Variants in LRBA observed in about 807,000 individuals in gnomAD.
LRBA encodes lipopolysaccharide-responsive and beige-like anchor protein.
In LRBA, 176 loss-of-function variants were observed where a neutral mutation model predicts 330.0. The ratio of observed to expected loss-of-function variants is 0.53; its 90% CI spans 0.47 to 0.60. LRBA has a LOEUF of 0.60. LRBA is among the 20% of genes least tolerant of loss of function. The pLI, the probability that LRBA is intolerant of heterozygous loss-of-function variation, is 0.00. For missense variants in LRBA, 3,259 were observed against 3,444.8 expected (o/e 0.95, Z 1.35); for synonymous variants, 1,230 against 1,193.0 (o/e 1.03, Z -0.64).
intron 46 of LRBA, among the ~76,000 whole-genome samples, chr4:150,435,071 G>A (rs886621897): frequency 5.3e-5 from 8 of 151,822 alleles, no homozygotes; most frequent in Non-Finnish European, 1.0e-4. Flanking sequence ...GAGGCCGGGC[G>A]CGGTGGCTCA....
At chr4:150,545,532 C>T (rs575741334) in intron 40 of LRBA, among the ~76,000 whole-genome samples, 1 of 151,998 alleles carries the variant, frequency 6.6e-6, no homozygotes, top group Non-Finnish European at 1.5e-5. Context: ...AAAATGTGAA[C>T]ATTAAGCTTA....
At chr4:150,473,089 G>C (rs116208929) in intron 42 of LRBA, among the ~76,000 whole-genome samples, 1,721 of 152,142 alleles carry the variant, frequency 0.011, 35 homozygotes, top group African/African-American at 0.039. Context: ...ACCACTATAT[G>C]TTCCAATCAA....
At chr4:150,488,863 T>C (rs1758213474) in intron 41 of LRBA, among the ~76,000 whole-genome samples, 1 of 137,802 alleles carries the variant, frequency 7.3e-6, no homozygotes, top group African/African-American at 2.7e-5. Context: ...TAAGCACCTA[T>C]AACATATTTA....
At chr4:150,855,175 T>C (rs1751077812) in intron 22 of LRBA, among the ~76,000 whole-genome samples, 2 of 152,142 alleles carry the variant, frequency 1.3e-5, no homozygotes, top group African/African-American at 4.8e-5. Context: ...GGAAAATTGC[T>C]TGAACCCAAC....
At chr4:150,412,406 A>C (rs540609049) in intron 47 of LRBA, among the ~76,000 whole-genome samples, 4 of 152,308 alleles carry the variant, frequency 2.6e-5, no homozygotes, top group African/African-American at 9.6e-5. Context: ...CCAAAATCCA[A>C]ATCTACTTGT....
chr4:150,719,381 T>A (rs1053363638), intron 36 of LRBA, among the ~76,000 whole-genome samples: 1 of 152,038 alleles, frequency 6.6e-6, no homozygotes, highest in African/African-American at 2.4e-5. Context: ...AGCATCTCCA[T>A]AATTAATTAG....
rs112794324 is a variant in LRBA at position 150,471,371 on chromosome 4, C to G, written c.6667+253G>C. On this transcript the variant is annotated intron_variant, in intron 43 of 56. Coordinates refer to ENST00000651943, the MANE Select transcript of LRBA (RefSeq NM_001364905.1). ...TTCCCTCTCTCCCTGTCCTTTTAAT[C>G]ACCACAGTACTTTGAGTTTTTTACT... Among the ~76,000 whole-genome samples the G allele has an allele frequency of 5.8e-3, 879 of 152,228 alleles. 6 individuals are homozygous for G. The highest frequency in any genetic ancestry group is 0.02 in the African/African-American group (829 of 41,564).
chr4:150,964,438 A>G (rs1310742503), intron 2 of LRBA, among the ~76,000 whole-genome samples: 1 of 149,798 alleles, frequency 6.7e-6, no homozygotes, highest in East Asian at 1.9e-4. Context: ...GTCTGTGTGG[A>G]AAGAAGTAGA....
intron 39 of LRBA, among the ~76,000 whole-genome samples, chr4:150,588,389 C>T (rs2126440589): frequency 6.6e-6 from 1 of 152,282 alleles, no homozygotes; most frequent in African/African-American, 2.4e-5. Flanking sequence ...AGATCTATAA[C>T]AGGCGGTTAA....
At chr4:150,369,861 T>A (rs1436462600) in intron 47 of LRBA, among the ~76,000 whole-genome samples, 1 of 152,194 alleles carries the variant, frequency 6.6e-6, no homozygotes, top group Non-Finnish European at 1.5e-5. Flanking sequence ...CAGCATTTTT[T>A]AAAGAGTCCT....
At chr4:151,014,380 C>A in intron 2 of LRBA, 47 bp downstream of exon 2, 1 of 1,490,100 alleles carries the variant, frequency 6.7e-7, no homozygotes, top group South Asian at 1.2e-5. Flanking sequence ...TCTTGTTCCC[C>A]AACCCACTGA....
chr4:150,384,471 T>C (rs187731909), intron 47 of LRBA, among the ~76,000 whole-genome samples: 45 of 152,330 alleles, frequency 3.0e-4, no homozygotes, highest in Admixed American at 2.9e-3. Flanking sequence ...CCTCCTTTCT[T>C]ATGCTCTGCA....
At chr4:150,639,215 A>AG (rs1201251245) in intron 37 of LRBA, among the ~76,000 whole-genome samples, 1 of 61,354 alleles carries the variant, frequency 1.6e-5, no homozygotes, top group Non-Finnish European at 3.2e-5. Context: ...GGGTAGGGGA[A>AG]GGGGGGAGGG....
intron 36 of LRBA, among the ~76,000 whole-genome samples, chr4:150,710,619 C>T (rs1335077912): frequency 6.6e-6 from 1 of 152,046 alleles, no homozygotes; most frequent in African/African-American, 2.4e-5. Context: ...CTCTTGATTA[C>T]AGGTAGTAAA....
intron 46 of LRBA, among the ~76,000 whole-genome samples, chr4:150,418,460 T>C (rs1274314070): frequency 6.6e-6 from 1 of 152,160 alleles, no homozygotes; most frequent in African/African-American, 2.4e-5. Context: ...TTTCAAACTT[T>C]TAAGTCTTTC....
intron 16 of LRBA, among the ~76,000 whole-genome samples, chr4:150,893,801 AAGT>A (rs1419345227): frequency 6.6e-6 from 1 of 150,922 alleles, no homozygotes; most frequent in African/African-American, 2.4e-5. Flanking sequence ...TCAGCTTCCC[AAGT>A]AGCTGGGACT....
intron 48 of LRBA, among the ~76,000 whole-genome samples, chr4:150,338,515 C>T (rs1250394163): frequency 1.3e-5 from 2 of 152,114 alleles, no homozygotes; most frequent in Non-Finnish European, 2.9e-5. Context: ...TTTGAAGCCC[C>T]ACCCCTTCTT....
intron 51 of LRBA, among the ~76,000 whole-genome samples, chr4:150,311,637 A>G (rs1160301849): frequency 6.6e-6 from 1 of 152,184 alleles, no homozygotes; most frequent in Non-Finnish European, 1.5e-5. Context: ...AAATTCTGCT[A>G]ATGTCTGTGG....
At chr4:150,905,715 G>T in intron 13 of LRBA, 123 bp downstream of exon 13, 1 of 791,180 alleles carries the variant, frequency 1.3e-6, no homozygotes, top group Non-Finnish European at 1.9e-6. Context: ...GTCAAAAAAA[G>T]CAATCCACTG....
Sources: allele counts gnomAD v4.1 joint callset (sites outside exome capture counted in the v4.1 genomes callset), GRCh38; gene constraint gnomAD v4.1.1; transcripts MANE v1.5; gene names NCBI Gene and HGNC (gene_info 2026-07-23, HGNC 2026-07-21).